The following CARMIL1 variants were observed in gnomAD, a reference collection of about 807,000 sequenced individuals.
CARMIL1 encodes the protein capping protein regulator and myosin 1 linker 1.
In CARMIL1, 90 loss-of-function variants were observed where a neutral mutation model predicts 177.1. The ratio of observed to expected loss-of-function variants is 0.51; its 90% CI spans 0.43 to 0.61. CARMIL1 has a LOEUF of 0.61. CARMIL1 is among the 20% of genes least tolerant of loss of function. CARMIL1 has a pLI of 0.00. For synonymous variants in CARMIL1, 577 were observed against 606.2 expected, an observed-to-expected ratio of 0.95 and a Z score of 0.71; for missense variants, 1,380 against 1,667.0, an observed-to-expected ratio of 0.83 and a Z score of 3.00.
At chr6:25,556,058 A>G (rs892895916) in intron 28 of CARMIL1, among the ~76,000 whole-genome samples, 19 of 152,196 alleles carry the variant, frequency 1.2e-4, no homozygotes, top group Admixed American at 1.0e-3. Context: ...TGACTTTCAG[A>G]TACCATTTTC....
intron 2 of CARMIL1, among the ~76,000 whole-genome samples, chr6:25,341,017 A>C (rs2690089): frequency 0.43 from 65,086 of 151,748 alleles, 14,171 homozygotes; most frequent in African/African-American, 0.51. Context: ...GAAGGCTCAC[A>C]ATCAGGAGGG....
chr6:25,313,029 C>T (rs565266033), intron 2 of CARMIL1, among the ~76,000 whole-genome samples: 8 of 152,130 alleles, frequency 5.3e-5, no homozygotes, highest in Admixed American at 4.6e-4. Flanking sequence ...TGCTTCTGTC[C>T]TCTAGTGGAT....
intron 2 of CARMIL1, among the ~76,000 whole-genome samples, chr6:25,318,706 C>A (rs1190442063): frequency 6.6e-6 from 1 of 152,134 alleles, no homozygotes; most frequent in African/African-American, 2.4e-5. Context: ...CCGGGAGACC[C>A]CACGTGGGAG....
chr6:25,403,417 T>C (rs1023030762), intron 2 of CARMIL1, among the ~76,000 whole-genome samples: 19 of 152,202 alleles, frequency 1.2e-4, no homozygotes, highest in African/African-American at 4.6e-4. Context: ...TCACCCAACA[T>C]GGCAGTCAGA....
At chr6:25,418,949 C>T (rs1407656660) in intron 2 of CARMIL1, among the ~76,000 whole-genome samples, 4 of 152,108 alleles carry the variant, frequency 2.6e-5, no homozygotes, top group African/African-American at 7.2e-5. Context: ...TATCCCCTAC[C>T]GTGATGACAT....
At chr6:25,284,342 C>T (rs1407019476) in intron 1 of CARMIL1, among the ~76,000 whole-genome samples, 1 of 152,222 alleles carries the variant, frequency 6.6e-6, no homozygotes, top group Non-Finnish European at 1.5e-5. Context: ...TATCAATATA[C>T]AGTACGAGGT....
intron 36 of CARMIL1, among the ~76,000 whole-genome samples, chr6:25,616,608 C>T (rs115389643): frequency 0.015 from 2,225 of 152,216 alleles, 45 homozygotes; most frequent in African/African-American, 0.043. Context: ...CATACATACA[C>T]GCATACATAC....
At chr6:25,592,766 GA>G (rs1218783916) in intron 31 of CARMIL1, among the ~76,000 whole-genome samples, 3 of 152,128 alleles carry the variant, frequency 2.0e-5, no homozygotes, top group African/African-American at 4.8e-5. Context: ...AAGATTACAG[GA>G]AACAGCTTTC....
Position 25,517,351 on chromosome 6 carries a change from G to A in CARMIL1, c.1810G>A (p.Val604Ile). The stretch of plus-strand genomic sequence containing the variant: ...TGTGATTTGATTTTCAAACAGGACT[G>A]TAATATGGGACAAGAACAACATCAC... ...ALQINTKLRT[V>I]IWDKNNITAQ... is the part of the protein sequence containing the mutation. Residue 604 changes from valine (V) to isoleucine (I), a missense_variant, in exon 22 of 37, where the codon GTA becomes ATA. Coordinates refer to ENST00000329474, the MANE Select transcript of CARMIL1 (RefSeq NM_017640.6). The A allele has an allele frequency of 6.2e-7, 1 of 1,612,278 alleles. No individual in the cohort carries two copies.
intron 2 of CARMIL1, among the ~76,000 whole-genome samples, chr6:25,325,093 A>G (rs971266751): frequency 7.2e-5 from 11 of 152,320 alleles, no homozygotes; most frequent in Admixed American, 3.3e-4. Context: ...GGGAAAATAG[A>G]AAGTTCTATA....
chr6:25,469,495 A>G (rs1800909442), intron 9 of CARMIL1, among the ~76,000 whole-genome samples: 1 of 152,188 alleles, frequency 6.6e-6, no homozygotes, highest in Non-Finnish European at 1.5e-5. Flanking sequence ...GAAGTATTTA[A>G]TACAGCCTAG....
chr6:25,586,731 T>A (rs997465167), intron 31 of CARMIL1, among the ~76,000 whole-genome samples: 11 of 152,060 alleles, frequency 7.2e-5, no homozygotes, highest in African/African-American at 2.7e-4. Context: ...GGCGGGCAGA[T>A]CACTCGCGGT....
chr6:25,338,551 C>CT (rs34070479), intron 2 of CARMIL1, among the ~76,000 whole-genome samples: 9,789 of 141,402 alleles, frequency 0.069, 424 homozygotes, highest in African/African-American at 0.13. Flanking sequence ...GCTGGTCCTA[C>CT]TTTTTTTTTT....
intron 20 of CARMIL1, among the ~76,000 whole-genome samples, chr6:25,513,014 C>T (rs917039140): frequency 2.6e-5 from 4 of 152,136 alleles, no homozygotes; most frequent in African/African-American, 9.7e-5. Flanking sequence ...AATATGCACG[C>T]AATTCAGGCT....
intron 2 of CARMIL1, among the ~76,000 whole-genome samples, chr6:25,291,073 A>G (rs963810552): frequency 1.4e-4 from 22 of 152,168 alleles, no homozygotes; most frequent in African/African-American, 4.8e-4. Flanking sequence ...CGGCCTCCCA[A>G]AGTGCTGGGA....
intron 1 of CARMIL1, among the ~76,000 whole-genome samples, chr6:25,283,280 T>C (rs1446473558): frequency 6.6e-6 from 1 of 152,114 alleles, no homozygotes; most frequent in Non-Finnish European, 1.5e-5. Context: ...ACGTGATGAA[T>C]CTCACAGTTT....
In CARMIL1 at chr6:25,315,994, A is replaced by G. The variant is rs539841839; in HGVS notation, c.138+31085A>G. On this transcript the variant is annotated intron_variant, in intron 2 of 36. Coordinates refer to ENST00000329474, the MANE Select transcript of CARMIL1 (RefSeq NM_017640.6). ...TTGAGAAACACTGTAAGCCTACCCT[A>G]TTTCTGTCCTTTTCTTCCTAAGCTA... 1.4e-4 allele frequency among the ~76,000 whole-genome samples: 21 copies of G among 152,228 alleles called. No homozygotes were observed. The South Asian group carries it at 2.1e-3, about 15-fold the overall frequency.
chr6:25,433,536 A>T (rs924908446), intron 4 of CARMIL1, among the ~76,000 whole-genome samples: 10 of 152,182 alleles, frequency 6.6e-5, no homozygotes, highest in African/African-American at 2.4e-4. Flanking sequence ...CTTATAGACT[A>T]CTGGGTTGTT....
At chr6:25,313,683 G>A (rs1581532370) in intron 2 of CARMIL1, among the ~76,000 whole-genome samples, 2 of 133,844 alleles carry the variant, frequency 1.5e-5, no homozygotes, top group East Asian at 2.4e-4. Context: ...AGGGAAGGCT[G>A]TATATATACA....
Sources: allele counts gnomAD v4.1 joint callset (sites outside exome capture counted in the v4.1 genomes callset), GRCh38; gene constraint gnomAD v4.1.1; transcripts MANE v1.5; gene names NCBI Gene and HGNC (gene_info 2026-07-23, HGNC 2026-07-21).